Variants in KIAA0232 observed in about 807,000 individuals in gnomAD.
KIAA0232 encodes the protein uncharacterized protein KIAA0232.
KIAA0232 carries 27 observed loss-of-function variants against 122.0 expected under a neutral mutation model. The observed-to-expected ratio is 0.22, with a 90% CI of 0.16 to 0.31. The LOEUF (loss-of-function observed/expected upper bound fraction) is 0.31, where lower values mean the gene tolerates loss of function less well. Among genes scored for constraint, KIAA0232 ranks in the 10% least tolerant of loss-of-function variants. The pLI is 1.00. For missense variants in KIAA0232, 1,551 were observed against 1,634.2 expected (o/e 0.95, Z 0.88); for synonymous variants, 613 against 587.6 (o/e 1.04, Z -0.63).
At chr4:6,825,588 A>G (rs140386686) in intron 3 of KIAA0232, among the ~76,000 whole-genome samples, 2 of 152,122 alleles carry the variant, frequency 1.3e-5, no homozygotes, top group African/African-American at 4.8e-5. Context: ...AGAGAGAGAG[A>G]GAGAGAAAGA....
chr4:6,864,261 AAGAT>A, intron 7 of KIAA0232, 78 bp downstream of exon 7: 1 of 1,435,374 alleles, frequency 7.0e-7, no homozygotes, highest in Non-Finnish European at 9.4e-7. Flanking sequence ...CAGTCAATGA[AAGAT>A]AGGGTTAAAT....
intron 1 of KIAA0232, among the ~76,000 whole-genome samples, chr4:6,798,229 A>G (rs1717221847): frequency 6.6e-6 from 1 of 152,188 alleles, no homozygotes; most frequent in Admixed American, 6.5e-5. Flanking sequence ...TTCTTAATCC[A>G]TGAAATGGGA....
At chr4:6,843,663 C>G (rs542315288) in intron 4 of KIAA0232, among the ~76,000 whole-genome samples, 2 of 152,000 alleles carry the variant, frequency 1.3e-5, no homozygotes, top group South Asian at 4.2e-4. Context: ...CCAGCTACTT[C>G]GGAGGCTGAG....
chr4:6,795,494 C>T (rs1223896923), intron 1 of KIAA0232, among the ~76,000 whole-genome samples: 1 of 152,082 alleles, frequency 6.6e-6, no homozygotes, highest in Admixed American at 6.6e-5. Context: ...TAATTTTTAC[C>T]TTCATTATAT....
chr4:6,834,173 C>T (rs553381382), intron 3 of KIAA0232, among the ~76,000 whole-genome samples: 38 of 152,272 alleles, frequency 2.5e-4, no homozygotes, highest in African/African-American at 5.1e-4. Flanking sequence ...CACTGAGCCT[C>T]GAACTCTTGG....
At chr4:6,860,161 G>A (rs148324107) in intron 6 of KIAA0232, among the ~76,000 whole-genome samples, 1 of 152,150 alleles carries the variant, frequency 6.6e-6, no homozygotes, top group Non-Finnish European at 1.5e-5. Context: ...CTGCTTCAAT[G>A]CCAGGCAGTA....
At chr4:6,836,711 G>T (rs1719300565) in intron 3 of KIAA0232, among the ~76,000 whole-genome samples, 1 of 151,972 alleles carries the variant, frequency 6.6e-6, no homozygotes, top group Admixed American at 6.6e-5. Context: ...CGCAGTGTTT[G>T]TGTCCCTGAG....
intron 9 of KIAA0232, among the ~76,000 whole-genome samples, chr4:6,879,457 G>T (rs76044506): frequency 6.6e-6 from 1 of 152,058 alleles, no homozygotes; most frequent in Non-Finnish European, 1.5e-5. Context: ...TCCCCGCCAC[G>T]CCTCTACAGC....
chr4:6,845,321 A>G (rs1719892288), intron 4 of KIAA0232, among the ~76,000 whole-genome samples: 1 of 152,190 alleles, frequency 6.6e-6, no homozygotes, highest in African/African-American at 2.4e-5. Context: ...TTGGCAGAGA[A>G]AACTTTGTGG....
In KIAA0232 at chr4:6,862,886, C is replaced by A; in HGVS notation, c.2504C>A (p.Thr835Lys). The change falls in exon 7 of 10, where the codon ACA becomes AAA. Residue 835 changes from threonine to lysine, a missense_variant. Thr to Lys is a moderately conservative substitution (Grantham distance 78). Coordinates refer to ENST00000307659, the MANE Select transcript of KIAA0232 (RefSeq NM_014743.3). Reference sequence around the variant, plus strand: ...GACATTTGGACAAAGATGGCAGACACAAATTCTGTGGCTACAGTAGAAATA... The same window carrying A: ...GACATTTGGACAAAGATGGCAGACAAAAATTCTGTGGCTACAGTAGAAATA... ...IKDIWTKMAD[T>K]NSVATVEIER... 1 of 1,614,220 alleles carries A rather than the reference C, an allele frequency of 6.2e-7. No individual in the cohort carries two copies. Among genetic ancestry groups the A allele is most frequent in the Non-Finnish European group, 8.5e-7 (1 of 1,180,030 alleles).
intron 8 of KIAA0232, 86 bp from the exon 9 acceptor site, chr4:6,876,574 T>C: frequency 1.0e-6 from 1 of 966,400 alleles, no homozygotes; most frequent in Non-Finnish European, 1.6e-6. Flanking sequence ...TAGTGAAAAA[T>C]GAAACAAGAA....
chr4:6,784,636 C>T (rs755775567), intron 1 of KIAA0232, among the ~76,000 whole-genome samples: 1 of 152,162 alleles, frequency 6.6e-6, no homozygotes, highest in East Asian at 1.9e-4. Context: ...AACTCAGATT[C>T]AATTGCTGTA....
chr4:6,858,966 T>TA (rs1341181466), intron 6 of KIAA0232, among the ~76,000 whole-genome samples: 2 of 151,936 alleles, frequency 1.3e-5, no homozygotes, highest in African/African-American at 4.8e-5. Flanking sequence ...AGCATGGTGG[T>TA]ACATGCCTGT....
chr4:6,828,195 A>G lies in KIAA0232; in HGVS notation c.231+3511A>G, dbSNP rs1036574599. Among the ~76,000 whole-genome samples, 3 of 152,196 alleles carry G rather than the reference A, an allele frequency of 2.0e-5. No homozygotes were observed. The East Asian group carries it at 5.8e-4, about 29-fold the overall frequency. Reference sequence around the variant, plus strand: ...TAAAAAAGTTTAACCAGCCTGGGCAACATAGTGAGACTCCATCTCTTAAAA... The same window carrying G: ...TAAAAAAGTTTAACCAGCCTGGGCAGCATAGTGAGACTCCATCTCTTAAAA... On this transcript the variant is annotated intron_variant, in intron 3 of 9. Coordinates refer to ENST00000307659, the MANE Select transcript of KIAA0232 (RefSeq NM_014743.3).
intron 3 of KIAA0232, among the ~76,000 whole-genome samples, chr4:6,839,786 C>T (rs1719547279): frequency 6.6e-6 from 1 of 152,066 alleles, no homozygotes; most frequent in Admixed American, 6.6e-5. Context: ...CGAGTTTAGC[C>T]AGCAGGACTT....
At chr4:6,783,583 T>C (rs1716463061) in intron 1 of KIAA0232, among the ~76,000 whole-genome samples, 1 of 151,748 alleles carries the variant, frequency 6.6e-6, no homozygotes, top group African/African-American at 2.4e-5. Context: ...CATTGTCCTT[T>C]TGGGGCCCCG....
intron 6 of KIAA0232, among the ~76,000 whole-genome samples, chr4:6,859,629 A>T (rs1720754270): frequency 6.6e-6 from 1 of 152,226 alleles, no homozygotes; most frequent in South Asian, 2.1e-4. Context: ...CTACTAGAAC[A>T]CTTAAAATTA....
At chr4:6,787,879 G>A (rs756684645) in intron 1 of KIAA0232, among the ~76,000 whole-genome samples, 4 of 152,180 alleles carry the variant, frequency 2.6e-5, no homozygotes, top group Non-Finnish European at 5.9e-5. Context: ...TTGTTGGTAA[G>A]GTTATGGGCT....
chr4:6,805,909 G>A (rs1196656007), intron 2 of KIAA0232, among the ~76,000 whole-genome samples: 2 of 151,174 alleles, frequency 1.3e-5, no homozygotes, highest in Non-Finnish European at 2.9e-5. Context: ...TAGTTGTTTC[G>A]TCCCTTTTCC....
Sources: allele counts gnomAD v4.1 joint callset (sites outside exome capture counted in the v4.1 genomes callset), GRCh38; gene constraint gnomAD v4.1.1; transcripts MANE v1.5; gene names NCBI Gene and HGNC (gene_info 2026-07-23, HGNC 2026-07-21).